SHQ1: variants seen among roughly 807,000 people sequenced by gnomAD.
SHQ1 encodes SHQ1, H/ACA ribonucleoprotein assembly factor.
In SHQ1, 49 loss-of-function variants were observed where a neutral mutation model predicts 53.8. The observed-to-expected ratio is 0.91, with a 90% CI of 0.72 to 1.16. The LOEUF (loss-of-function observed/expected upper bound fraction) is 1.16. SHQ1 is among the 50% of genes most tolerant of loss of function. The pLI, the probability that SHQ1 is intolerant of heterozygous loss-of-function variation, is 0.00. For missense variants in SHQ1, 738 were observed against 683.1 expected, an observed-to-expected ratio of 1.08 and a Z score of -0.90; for synonymous variants, 243 against 251.0, an observed-to-expected ratio of 0.97 and a Z score of 0.30.
At chr3:72,763,058 C>CAGAG (rs1553689138) in intron 10 of SHQ1, among the ~76,000 whole-genome samples, 1 of 134,644 alleles carries the variant, frequency 7.4e-6, no homozygotes, top group Non-Finnish European at 1.5e-5. Context: ...CACACACACA[C>CAGAG]ACACAGAGAG....
At chr3:72,840,022 AC>A (rs1286524311) in intron 4 of SHQ1, among the ~76,000 whole-genome samples, 1 of 151,954 alleles carries the variant, frequency 6.6e-6, no homozygotes, top group Non-Finnish European at 1.5e-5. Flanking sequence ...AGCCTCCCAA[AC>A]TGCTGGGATT....
intron 4 of SHQ1, among the ~76,000 whole-genome samples, chr3:72,840,177 G>A (rs1244227460): frequency 4.9e-5 from 7 of 142,106 alleles, no homozygotes; most frequent in Non-Finnish European, 9.2e-5. Context: ...ACTTGGACCC[G>A]GGAGGCAGAG....
the SHQ1 span, among the ~76,000 whole-genome samples, chr3:72,732,341 G>T: frequency 7.1e-6 from 1 of 140,976 alleles, no homozygotes; most frequent in Admixed American, 7.2e-5. Flanking sequence ...ATGCAAGCCA[G>T]TAAAATGCCT....
At chr3:72,809,984 ACT>A (rs1258329991) in intron 9 of SHQ1, 1 of 151,826 alleles carries the variant, frequency 6.6e-6, no homozygotes, top group African/African-American at 2.4e-5. Context: ...AAAAAGAATA[ACT>A]CTTCTGAAGA....
intron 10 of SHQ1, among the ~76,000 whole-genome samples, chr3:72,768,956 G>C (rs1481428049): frequency 6.6e-6 from 1 of 152,206 alleles, no homozygotes; most frequent in African/African-American, 2.4e-5. Context: ...TATTTGCTGG[G>C]CATTTTGCTA....
Position 72,848,305 on chromosome 3 carries a change from C to T in SHQ1, c.36G>A (p.Pro12=), listed in dbSNP as rs374054952. The change falls in exon 1 of 11, where the codon CCG becomes CCA. Residue 12 remains proline (P), a synonymous_variant. Coordinates refer to ENST00000325599, the MANE Select transcript of SHQ1 (RefSeq NM_018130.3). ...LTPAFDLSQD[P]DFLTIAIRVP... ...CGCGGATGGCGATAGTCAGGAAGTCCGGATCCTGGCTGAGGTCGAACGCCG... is the reference window on the plus strand; with the variant it reads ...CGCGGATGGCGATAGTCAGGAAGTCTGGATCCTGGCTGAGGTCGAACGCCG... 47 of 1,613,988 alleles carry T rather than the reference C, an allele frequency of 2.9e-5. No individual in the cohort carries two copies. The African/African-American group carries it at 5.5e-4, about 19-fold the overall frequency.
intron 5 of SHQ1, among the ~76,000 whole-genome samples, chr3:72,827,841 G>A (rs529894348): frequency 2.1e-5 from 3 of 143,374 alleles, no homozygotes; most frequent in East Asian, 4.2e-4. Context: ...TGCAAGCTCC[G>A]CCTCCTGGGT....
At chr3:72,808,553 G>A (rs1410633669) in intron 9 of SHQ1, among the ~76,000 whole-genome samples, 1 of 152,076 alleles carries the variant, frequency 6.6e-6, no homozygotes, top group Non-Finnish European at 1.5e-5. Flanking sequence ...TGCTTCACAG[G>A]ACTGCAATAT....
chr3:72,753,566 G>A, intron 10 of SHQ1: 1 of 985,410 alleles, frequency 1.0e-6, no homozygotes, highest in Non-Finnish European at 1.2e-6. Context: ...GCACAGTGCG[G>A]TGAGTGGGAC....
chr3:72,795,975 C>T (rs1575699931), intron 9 of SHQ1, among the ~76,000 whole-genome samples: 1 of 151,648 alleles, frequency 6.6e-6, no homozygotes, highest in Non-Finnish European at 1.5e-5. Context: ...TGGTAGTGCA[C>T]GCCTGTAGTC....
chr3:72,772,497 G>A (rs978608882), intron 10 of SHQ1: 4 of 559,876 alleles, frequency 7.1e-6, no homozygotes, highest in African/African-American at 1.9e-5. Flanking sequence ...AGATGCATCT[G>A]GACCCTCAGA....
intron 10 of SHQ1, among the ~76,000 whole-genome samples, chr3:72,761,652 A>G (rs1347699062): frequency 6.6e-6 from 1 of 152,170 alleles, no homozygotes; most frequent in Non-Finnish European, 1.5e-5. Flanking sequence ...CTTTCTAAGT[A>G]TTTCACATGG....
chr3:72,760,039 A>T (rs1306052214), intron 10 of SHQ1, among the ~76,000 whole-genome samples: 4 of 152,214 alleles, frequency 2.6e-5, no homozygotes, highest in African/African-American at 9.6e-5. Context: ...ATCCTTTAAT[A>T]TTCAAAATAA....
chr3:72,768,656 T>C (rs1381066042), intron 10 of SHQ1, among the ~76,000 whole-genome samples: 1 of 152,210 alleles, frequency 6.6e-6, no homozygotes, highest in Non-Finnish European at 1.5e-5. Context: ...ACAGGGCTGC[T>C]ATCCATGTCA....
At chr3:72,778,688 C>A (rs575054837) in intron 10 of SHQ1, among the ~76,000 whole-genome samples, 1 of 152,030 alleles carries the variant, frequency 6.6e-6, no homozygotes, top group African/African-American at 2.4e-5. Context: ...ATAACTGAAC[C>A]CAGTAGTTCA....
In SHQ1 at chr3:72,840,939, T is replaced by G. The variant is rs1708161608; in HGVS notation, c.486+106A>C. 12 of 1,294,524 alleles carry G rather than the reference T, an allele frequency of 9.3e-6. No homozygotes were observed. In the Admixed American group the frequency reaches 2.1e-4, roughly 23 times the overall value. 80.2% of individuals were successfully genotyped at this position (1,294,524 alleles called of 1,614,324 possible). A position where few individuals can be genotyped will look rare whatever the true frequency, so the allele number is the denominator to read the frequency against. On this transcript the variant is annotated intron_variant, in intron 4 of 10. Transcript: ENST00000325599. ...GCTAAGTGCTTTAAATACAATCACC[T>G]CCTGTAATATTATTTTTAAAAACTA...
intron 9 of SHQ1, among the ~76,000 whole-genome samples, chr3:72,798,874 C>G (rs548805061): frequency 2.0e-5 from 3 of 152,336 alleles, no homozygotes; most frequent in African/African-American, 7.2e-5. Context: ...TTCTTTTCAA[C>G]TGCTGGTACA....
rs1705722625 is a variant in SHQ1, at chr3:72,766,078, A to AT, written c.1182-15243dup. ...GTGCACTTGGGCCAGGGGGTGTTCAATTTTTTGTGAGTATTTAGGGAAGGC... is the reference window on the plus strand; with the variant it reads ...GTGCACTTGGGCCAGGGGGTGTTCAATTTTTTTGTGAGTATTTAGGGAAGGC... On this transcript the variant is annotated intron_variant, in intron 10 of 10. Transcript: ENST00000325599. 2.6e-5 allele frequency among the ~76,000 whole-genome samples: 4 copies of AT among 152,260 alleles called. No individual in the cohort carries two copies. In the South Asian group the frequency reaches 8.3e-4, roughly 32 times the overall value.
chr3:72,829,682 CTT>C (rs1204173547), intron 5 of SHQ1, among the ~76,000 whole-genome samples: 1 of 152,082 alleles, frequency 6.6e-6, no homozygotes, highest in Non-Finnish European at 1.5e-5. Flanking sequence ...TAATATACAT[CTT>C]TTTTCACAAA....
Sources: gnomAD v4.1 joint callset for allele counts (sites outside exome capture counted in the v4.1 genomes callset) on GRCh38, gnomAD v4.1.1 for gene constraint, MANE v1.5 for transcripts, NCBI Gene and HGNC (gene_info 2026-07-23, HGNC 2026-07-21) for gene names.